LRRC47: variants seen among roughly 807,000 people sequenced by gnomAD.
LRRC47 encodes leucine rich repeat containing 47.
A neutral mutation model predicts 40.9 loss-of-function variants in LRRC47; 31 were observed. That is an observed-to-expected ratio of 0.76 (90% CI 0.57 to 1.02). The LOEUF is 1.02. Ranked by LOEUF, LRRC47 falls within the 50% of genes least tolerant of loss-of-function variation. The pLI is 0.00. For synonymous variants in LRRC47, 427 were observed against 371.9 expected, an observed-to-expected ratio of 1.15 and a Z score of -1.70; for missense variants, 726 against 796.1, an observed-to-expected ratio of 0.91 and a Z score of 1.06.
In LRRC47 at chr1:3,787,030, T is replaced by A; in HGVS notation, c.896A>T (p.Gln299Leu). ...CAGCCGGCCGGCATCTCCCACGTCC[T>A]GCTCCTCCCCATCACCACCTTCCCG... ...QRREGGDGEE[Q>L]DVGDAGRLLL... The change falls in exon 2 of 7, where the codon CAG becomes CTG. Residue 299 changes from glutamine (Q) to leucine (L), a missense_variant. By Grantham distance (113) the Gln-to-Leu change is moderately radical (BLOSUM62 -2). Transcript: ENST00000378251. The A allele has an allele frequency of 6.2e-7, 1 of 1,612,138 alleles. No homozygotes were observed. Among genetic ancestry groups the A allele is most frequent in the Non-Finnish European group, 8.5e-7 (1 of 1,179,220 alleles).
Position 3,782,713 on chromosome 1 carries a change from G to C in LRRC47, c.1361C>G (p.Ala454Gly). Residue 454 changes from alanine to glycine, a missense_variant, in exon 5 of 7, where the codon GCA becomes GGA. Ala to Gly is a moderately conservative substitution (Grantham distance 60, BLOSUM62 0). Transcript: ENST00000378251. ...TGGGAAGGAAATCACATCACCGTCT[G>C]CATCCACAAGACACGGGTAATTTTC... Reference protein sequence around the residue: ...GNENYPCLVDADGDVISFPPI... With the variant: ...GNENYPCLVDGDGDVISFPPI... The C allele has an allele frequency of 6.2e-7, 1 of 1,612,984 alleles. No homozygotes were observed.
intron 1 of LRRC47, among the ~76,000 whole-genome samples, chr1:3,790,624 G>T (rs1402572994): frequency 6.6e-6 from 1 of 152,248 alleles, no homozygotes; most frequent in Non-Finnish European, 1.5e-5. Context: ...GGTGCTCTCA[G>T]GTCTCAGCAA....
chr1:3,796,264 C>A lies in LRRC47; in HGVS notation c.213G>T (p.Ala71=), dbSNP rs1309792642. 2.0e-6 allele frequency: 3 copies of A among 1,468,820 alleles called. No individual in the cohort carries two copies. The highest frequency in any genetic ancestry group is 2.4e-4 in the Middle Eastern group (1 of 4,170). The allele number at this position is 1,468,820 out of a possible 1,614,324, so 91.0% of individuals were successfully genotyped here. A position where few individuals can be genotyped will look rare whatever the true frequency, so the allele number is the denominator to read the frequency against. Residue 71 remains alanine (A), a synonymous_variant, in exon 1 of 7, where the codon GCG becomes GCT. Coordinates refer to ENST00000378251, the MANE Select transcript of LRRC47 (RefSeq NM_020710.3). The stretch of plus-strand genomic sequence containing the variant: ...GGCTGTGCAGCTGCGGCAGGCCCTG[C>A]GCCAGGCCAGGCCCCGGCGCGCGCA... The part of the protein sequence containing the change: ...GSLRAPGPGL[A]QGLPQLHSLV...
chr1:3,784,205 C>G, intron 3 of LRRC47, 94 bp from the exon 4 acceptor site: 1 of 994,036 alleles, frequency 1.0e-6, no homozygotes, highest in Non-Finnish European at 1.5e-6. Context: ...TGAGCCCTCC[C>G]GACTCCCGCC....
intron 3 of LRRC47, among the ~76,000 whole-genome samples, chr1:3,784,710 T>C (rs1643555491): frequency 6.6e-6 from 1 of 152,230 alleles, no homozygotes; most frequent in African/African-American, 2.4e-5. Context: ...AAAGAAAATG[T>C]TCAGGCCGGG....
At position 3,784,007 on chromosome 1, in the gene LRRC47, C is replaced by A. The variant is rs145640191; in HGVS notation, c.1299G>T (p.Ser433=). The A allele has an allele frequency of 8.0e-5, 128 of 1,607,486 alleles. 1 individual carries two copies. The highest frequency in any genetic ancestry group is 9.4e-5 in the Non-Finnish European group (111 of 1,179,530). ...QRKQKKRQSV[S]GLHRYLHLLD... is the part of the protein sequence containing the mutation. ...GGCACGCTGCCCACCTGTGCAGGCC[C>A]GACACACTCTGCCGCTTCTTCTGCT... Residue 433 remains serine (S), a synonymous_variant, in exon 4 of 7, where the codon TCG becomes TCT. Coordinates refer to ENST00000378251, the MANE Select transcript of LRRC47 (RefSeq NM_020710.3).
rs1282583806 is a variant in LRRC47 at position 3,796,061 on chromosome 1, T to C, written c.416A>G (p.Asn139Ser). Reference sequence around the variant, plus strand: ...GTCGGCTGGCAGCTCGCGCAGCCGGTTGCCGCTGAGGTTGAGGCTCTGCAG... The same window carrying C: ...GTCGGCTGGCAGCTCGCGCAGCCGGCTGCCGCTGAGGTTGAGGCTCTGCAG... The part of the protein sequence containing the change: ...PQLQSLNLSG[N>S]RLRELPADLA... Residue 139 changes from asparagine to serine, a missense_variant, in exon 1 of 7, where the codon AAC becomes AGC. Transcript: ENST00000378251. The C allele has an allele frequency of 6.5e-6, 10 of 1,538,748 alleles. No homozygotes were observed. Among genetic ancestry groups the C allele is most frequent in the Middle Eastern group, 1.7e-4 (1 of 5,858 alleles).
At chr1:3,791,389 G>C (rs188288742) in intron 1 of LRRC47, among the ~76,000 whole-genome samples, 1 of 152,156 alleles carries the variant, frequency 6.6e-6, no homozygotes, top group Non-Finnish European at 1.5e-5. Flanking sequence ...AGACCCAACG[G>C]CACGCAGCCA....
chr1:3,779,905 A>T lies in LRRC47; in HGVS notation c.*1183T>A, dbSNP rs1255808296. 5.3e-5 allele frequency: 8 copies of T among 152,234 alleles called. No homozygotes were observed. Among genetic ancestry groups the T allele is most frequent in the African/African-American group, 1.2e-4 (5 of 41,456 alleles). The allele number at this position is 152,234 out of a possible 1,614,324, so 9.4% of individuals were successfully genotyped here. Reference sequence around the variant, plus strand: ...CTCCACATCTCCACCCCCACAAAGCAATCCAACAGCAGTATGAAGAGACGC... The same window carrying T: ...CTCCACATCTCCACCCCCACAAAGCTATCCAACAGCAGTATGAAGAGACGC... On this transcript the variant is annotated 3_prime_UTR_variant, in exon 7 of 7. Coordinates refer to ENST00000378251, the MANE Select transcript of LRRC47 (RefSeq NM_020710.3).
chr1:3,781,411 C>G, intron 6 of LRRC47, 75 bp from the exon 7 acceptor site: 2 of 1,575,584 alleles, frequency 1.3e-6, no homozygotes, highest in Non-Finnish European at 1.7e-6. Flanking sequence ...TCTGCCAACA[C>G]AGTAAGCAAA....
intron 2 of LRRC47, 167 bp from the exon 3 acceptor site, chr1:3,785,370 TCCA>T (rs1329758367): frequency 5.4e-6 from 2 of 369,806 alleles, no homozygotes; most frequent in Non-Finnish European, 9.6e-6. Flanking sequence ...CCAACTCCTC[TCCA>T]CCCGGCCAGC....
chr1:3,796,173 G>C lies in LRRC47; in HGVS notation c.304C>G (p.Arg102Gly). The C allele has an allele frequency of 6.9e-7, 1 of 1,443,130 alleles. No individual in the cohort carries two copies. Among genetic ancestry groups the C allele is most frequent in the Non-Finnish European group, 9.1e-7 (1 of 1,104,678 alleles). The allele number at this position is 1,443,130 out of a possible 1,614,324, so 89.4% of individuals were successfully genotyped here. Reference protein sequence around the residue: ...SPELGPLPALRVLDLSGNALE... With the variant: ...SPELGPLPALGVLDLSGNALE... ...GCGTTGCCCGACAGGTCGAGCACCC[G>C]AAGGGCAGGCAGCGGCCCGAGCTCG... The change falls in exon 1 of 7, where the codon CGG (arginine) becomes GGG (glycine). Residue 102 changes from arginine to glycine, a missense_variant. By Grantham distance (125) the Arg-to-Gly change is moderately radical. Transcript: ENST00000378251.
chr1:3,781,301 A>G lies in LRRC47; in HGVS notation c.1539T>C (p.Asn513=). 6.2e-7 allele frequency: 1 copy of G among 1,613,926 alleles called. No individual in the cohort carries two copies. The highest frequency in any genetic ancestry group is 8.5e-7 in the Non-Finnish European group (1 of 1,179,896). The change falls in exon 7 of 7, where the codon AAT becomes AAC. Residue 513 remains asparagine (N), a synonymous_variant. Transcript: ENST00000378251. ...MAEMKKYTLE[N]KEEGSLSDTE... The stretch of plus-strand genomic sequence containing the variant: ...TATCTGAGAGTGATCCTTCCTCTTT[A>G]TTTTCTAAAGTGTACTTTTTCATTT...
At chr1:3,782,956 G>A in intron 4 of LRRC47, 193 bp from the exon 5 acceptor site, 1 of 587,146 alleles carries the variant, frequency 1.7e-6, no homozygotes, top group Non-Finnish European at 3.1e-6. Flanking sequence ...GTGAGCTCCT[G>A]GGAGTGGAGG....
In LRRC47 at chr1:3,786,994, A is replaced by G. The variant is rs987530070; in HGVS notation, c.932T>C (p.Val311Ala). 5 of 1,611,716 alleles carry G rather than the reference A, an allele frequency of 3.1e-6. No homozygotes were observed. Among genetic ancestry groups the G allele is most frequent in the African/African-American group, 2.7e-5 (2 of 74,794 alleles). Residue 311 changes from valine to alanine, a missense_variant, in exon 2 of 7, where the codon GTC (valine) becomes GCC (alanine). Transcript: ENST00000378251. ...VGDAGRLLLRVLHVSENPVPL... is the reference protein window; with the variant it reads ...VGDAGRLLLRALHVSENPVPL... ...TACGGGGTTTTCAGAGACGTGCAGG[A>G]CCCTGAGCAGCAGCCGGCCGGCATC...
At chr1:3,795,072 A>AG (rs1296647570) in intron 1 of LRRC47, among the ~76,000 whole-genome samples, 4 of 151,682 alleles carry the variant, frequency 2.6e-5, no homozygotes, top group Non-Finnish European at 2.9e-5. Flanking sequence ...AAAAAAAAAA[A>AG]AGAAATGTCT....
intron 1 of LRRC47, among the ~76,000 whole-genome samples, chr1:3,795,232 T>C (rs1054622826): frequency 6.6e-6 from 1 of 152,158 alleles, no homozygotes; most frequent in African/African-American, 2.4e-5. Context: ...ACAGATTCAA[T>C]GGGCACCTGT....
At position 3,781,172 on chromosome 1, in the gene LRRC47, C is replaced by T. The variant is rs767016898; in HGVS notation, c.1668G>A (p.Val556=). The T allele has an allele frequency of 1.7e-5, 28 of 1,614,034 alleles. No individual in the cohort carries two copies. Among genetic ancestry groups the T allele is most frequent in the African/African-American group, 1.3e-5 (1 of 74,924 alleles). ...CCACCTTCAGGCTCCCTTCCAGATCCACCACCCGGACCTGCTCCACCACCA... is the reference window on the plus strand; with the variant it reads ...CCACCTTCAGGCTCCCTTCCAGATCTACCACCCGGACCTGCTCCACCACCA... ...SLLVVEQVRV[V]DLEGSLKVVY... Residue 556 remains valine (V), a synonymous_variant, in exon 7 of 7, where the codon GTG becomes GTA. Coordinates refer to ENST00000378251, the MANE Select transcript of LRRC47 (RefSeq NM_020710.3).
At position 3,787,133 on chromosome 1, in the gene LRRC47, C is replaced by T. The variant is rs1442257966; in HGVS notation, c.793G>A (p.Gly265Ser). ...LEYLRVGGRG[G>S]GKGKGRAEGS... is the part of the protein sequence containing the mutation. ...TCGGCACGGCCCTTGCCCTTCCCGC[C>T]ACCACGGCCTCCGACGCGCAGGTAC... Residue 265 changes from glycine (G) to serine (S), a missense_variant, in exon 2 of 7, where the codon GGC becomes AGC. Coordinates refer to ENST00000378251, the MANE Select transcript of LRRC47 (RefSeq NM_020710.3). The T allele has an allele frequency of 1.1e-5, 17 of 1,613,698 alleles. No homozygotes were observed. Among genetic ancestry groups the T allele is most frequent in the Non-Finnish European group, 1.4e-5 (17 of 1,180,048 alleles).
Sources: allele counts gnomAD v4.1 joint callset (sites outside exome capture counted in the v4.1 genomes callset), GRCh38; gene constraint gnomAD v4.1.1; transcripts MANE v1.5; gene names NCBI Gene and HGNC (gene_info 2026-07-23, HGNC 2026-07-21).